Variants in EAF2 observed in about 807,000 individuals in gnomAD.
EAF2 encodes the protein ELL-associated factor 2.
Under a neutral mutation model 29.4 loss-of-function variants are expected in EAF2, and 29 were observed. The ratio of observed to expected loss-of-function variants is 0.99; its 90% CI spans 0.73 to 1.35. The LOEUF (loss-of-function observed/expected upper bound fraction) is 1.35. Among genes scored for constraint, EAF2 ranks in the 40% most tolerant of loss-of-function variants. The pLI, the probability that EAF2 is intolerant of heterozygous loss-of-function variation, is 0.00. For missense variants in EAF2, 292 were observed against 312.0 expected (o/e 0.94, Z 0.48); for synonymous variants, 103 against 102.5 (o/e 1.00, Z -0.03).
chr3:121,875,129 A>G (rs1709074129), intron 5 of EAF2, among the ~76,000 whole-genome samples: 1 of 151,978 alleles, frequency 6.6e-6, no homozygotes, highest in African/African-American at 2.4e-5. Context: ...AAATGTTCTG[A>G]TTCAGTGAAC....
intron 4 of EAF2, among the ~76,000 whole-genome samples, chr3:121,866,703 C>G (rs1265529784): frequency 6.6e-6 from 1 of 151,010 alleles, no homozygotes; most frequent in Non-Finnish European, 1.5e-5. Context: ...CCAGCCTGGG[C>G]AACAGAGCAA....
chr3:121,880,373 C>G (rs993296610), intron 5 of EAF2, among the ~76,000 whole-genome samples: 5 of 151,684 alleles, frequency 3.3e-5, no homozygotes, highest in Admixed American at 3.3e-4. Context: ...GAACTCCTGG[C>G]CCCAGGCAGT....
chr3:121,880,860 T>G (rs2107548973), intron 5 of EAF2, among the ~76,000 whole-genome samples: 1 of 152,284 alleles, frequency 6.6e-6, no homozygotes, highest in Admixed American at 6.5e-5. Context: ...TAACTGTGGG[T>G]TTCTCTTATA....
intron 4 of EAF2, among the ~76,000 whole-genome samples, chr3:121,858,813 T>A (rs921837391): frequency 1.3e-5 from 2 of 152,264 alleles, no homozygotes; most frequent in Non-Finnish European, 2.9e-5. Context: ...GTCTAACATT[T>A]AAGTCTTTAA....
At chr3:121,853,277 C>T (rs1708663727) in intron 2 of EAF2, among the ~76,000 whole-genome samples, 1 of 152,130 alleles carries the variant, frequency 6.6e-6, no homozygotes, top group Non-Finnish European at 1.5e-5. Flanking sequence ...TTGTGATGAT[C>T]TCAAAAACGT....
At chr3:121,853,238 T>C (rs1156770319) in intron 2 of EAF2, among the ~76,000 whole-genome samples, 3 of 152,210 alleles carry the variant, frequency 2.0e-5, no homozygotes, top group African/African-American at 7.2e-5. Flanking sequence ...AATAACATAA[T>C]TGATAATACT....
intron 1 of EAF2, among the ~76,000 whole-genome samples, chr3:121,843,633 G>A (rs143750160): frequency 1.8e-3 from 276 of 152,130 alleles, no homozygotes; most frequent in African/African-American, 6.4e-3. Flanking sequence ...ATGTATATTC[G>A]TATGAATTAG....
chr3:121,840,643 A>G (rs1708401845), intron 1 of EAF2, among the ~76,000 whole-genome samples: 1 of 151,310 alleles, frequency 6.6e-6, no homozygotes. Flanking sequence ...GTCTCTACTA[A>G]AAGTACAAAA....
At chr3:121,873,152 T>C (rs1311811392) in intron 5 of EAF2, 1 of 622,056 alleles carries the variant, frequency 1.6e-6, no homozygotes, top group Non-Finnish European at 2.8e-6. Context: ...TACTTATGTG[T>C]AGGTAACTTG....
intron 2 of EAF2, among the ~76,000 whole-genome samples, chr3:121,848,501 G>A (rs532750306): frequency 5.3e-5 from 8 of 152,088 alleles, no homozygotes; most frequent in South Asian, 4.1e-4. Context: ...CATTTAAATC[G>A]CAACTCTGCC....
At chr3:121,840,515 A>ACAAAAAAAAAAC (rs1553725708) in intron 1 of EAF2, among the ~76,000 whole-genome samples, 1 of 97,892 alleles carries the variant, frequency 1.0e-5, no homozygotes, top group Non-Finnish European at 2.0e-5. Context: ...AAAAGAAAAA[A>ACAAAAAAAAAAC]AAAAAACGGG....
chr3:121,846,492 A>G (rs959668018), intron 2 of EAF2, among the ~76,000 whole-genome samples: 3 of 152,188 alleles, frequency 2.0e-5, no homozygotes, highest in African/African-American at 7.2e-5. Context: ...TATGATGTTT[A>G]TTAAAGAAAA....
chr3:121,851,848 T>C (rs9818226), intron 2 of EAF2, among the ~76,000 whole-genome samples: 12,805 of 152,220 alleles, frequency 0.084, 704 homozygotes, highest in Middle Eastern at 0.13. Flanking sequence ...TGGTATTCAA[T>C]AGTTATTTAG....
intron 4 of EAF2, among the ~76,000 whole-genome samples, chr3:121,862,316 C>T (rs188863930): frequency 1.8e-3 from 276 of 152,290 alleles, no homozygotes; most frequent in Non-Finnish European, 3.3e-3. Flanking sequence ...ACCAATCAAA[C>T]GTAGATTTGG....
At chr3:121,841,863 G>C (rs556246282) in intron 1 of EAF2, among the ~76,000 whole-genome samples, 11 of 152,002 alleles carry the variant, frequency 7.2e-5, no homozygotes, top group African/African-American at 2.7e-4. Flanking sequence ...AAAATTAGCC[G>C]GATATGGTGG....
intron 5 of EAF2, 87 bp from the exon 6 acceptor site, chr3:121,886,255 G>A: frequency 1.3e-6 from 1 of 765,262 alleles, no homozygotes; most frequent in Non-Finnish European, 1.9e-6. Flanking sequence ...CACGCTTGGG[G>A]GCTATATTTT....
At chr3:121,873,041 T>C in intron 5 of EAF2, 1 of 721,338 alleles carries the variant, frequency 1.4e-6, no homozygotes, top group Non-Finnish European at 2.5e-6. Flanking sequence ...TGCTCAGTCA[T>C]TAAAGTTGGA....
intron 1 of EAF2, among the ~76,000 whole-genome samples, chr3:121,843,501 C>T (rs541265605): frequency 5.5e-4 from 84 of 152,202 alleles, no homozygotes; most frequent in African/African-American, 1.9e-3. Flanking sequence ...TTGGTGGTTA[C>T]ATGTGTCACT....
intron 2 of EAF2, among the ~76,000 whole-genome samples, chr3:121,849,925 T>C (rs1000104639): frequency 2.2e-5 from 3 of 135,512 alleles, no homozygotes; most frequent in Admixed American, 1.4e-4. Context: ...TTCTCTGATA[T>C]ATATATATAT....
Sources: gnomAD v4.1 joint callset for allele counts (sites outside exome capture counted in the v4.1 genomes callset) on GRCh38, gnomAD v4.1.1 for gene constraint, MANE v1.5 for transcripts, NCBI Gene and HGNC (gene_info 2026-07-23, HGNC 2026-07-21) for gene names.